RNF144B: variants seen among roughly 807,000 people sequenced by gnomAD.
RNF144B encodes the protein ring finger protein 144B, also known as E3 ubiquitin-protein ligase RNF144B.
In RNF144B, 25 loss-of-function variants were observed where a neutral mutation model predicts 40.2. That is an observed-to-expected ratio of 0.62 (90% CI 0.45 to 0.87). RNF144B has a LOEUF of 0.87. RNF144B is among the 40% of genes least tolerant of loss of function. RNF144B has a pLI of 0.00. For missense variants in RNF144B, 365 were observed against 373.7 expected (o/e 0.98, Z 0.19); for synonymous variants, 145 against 136.3 (o/e 1.06, Z -0.44).
In RNF144B at chr6:18,410,324, A is replaced by G. The variant is rs766982443; in HGVS notation, c.165+10625A>G. Among the ~76,000 whole-genome samples the G allele has an allele frequency of 6.6e-6, 1 of 152,202 alleles. No homozygotes were observed. The highest frequency in any genetic ancestry group is 1.5e-5 in the Non-Finnish European group (1 of 68,042). ...TGGTGTTAATTGTGGAGCAAGTGGC[A>G]GTCATCAGACACAACCAGCCCTGCT... On this transcript the variant is annotated intron_variant, in intron 2 of 7. Transcript: ENST00000259939. The surrounding 1 kb of genome is among the most constrained non-coding windows in gnomAD (Gnocchi z 4.6).
chr6:18,417,492 C>T (rs73727436), intron 2 of RNF144B, among the ~76,000 whole-genome samples: 6 of 152,234 alleles, frequency 3.9e-5, no homozygotes, highest in African/African-American at 1.4e-4. Context: ...AAATGTTTTT[C>T]AGCAAATGGT....
At position 18,427,620 on chromosome 6, in the gene RNF144B, T is replaced by C. The variant is rs201377930; in HGVS notation, c.205T>C (p.Cys69Arg). The C allele has an allele frequency of 1.2e-4, 188 of 1,613,654 alleles. No individual in the cohort carries two copies. The highest frequency in any genetic ancestry group is 1.6e-4 in the Non-Finnish European group (183 of 1,179,816). The change falls in exon 3 of 8, where the codon TGT (cysteine) becomes CGT (arginine). Residue 69 changes from cysteine to arginine, a missense_variant. Coordinates refer to ENST00000259939, the MANE Select transcript of RNF144B (RefSeq NM_182757.4). ...CATGCAGCTGGCAATCCGAGAAGGA[T>C]GTGGGTCTCCCATCACTTGCCCTGA... ...QYMQLAIREGCGSPITCPDMV... is the reference protein window; with the variant it reads ...QYMQLAIREGRGSPITCPDMV...
At position 18,425,652 on chromosome 6, in the gene RNF144B, T is replaced by TGGC. The variant is rs1386268753; in HGVS notation, c.166-1926_166-1924dup. On this transcript the variant is annotated intron_variant, in intron 2 of 7. Transcript: ENST00000259939. The surrounding 1 kb of genome is among the most constrained non-coding windows in gnomAD (Gnocchi z 4.2). The stretch of plus-strand genomic sequence containing the variant: ...TCAGGGTTAAAACACAGTAATTATA[T>TGGC]GGCGGTCAAGTGCAAGAGAGGAGTG... 6.6e-6 allele frequency among the ~76,000 whole-genome samples: 1 copy of TGGC among 152,192 alleles called. No individual in the cohort carries two copies. The highest frequency in any genetic ancestry group is 6.5e-5 in the Admixed American group (1 of 15,270).
chr6:18,428,522 A>C (rs1346261887), intron 3 of RNF144B, among the ~76,000 whole-genome samples: 1 of 151,984 alleles, frequency 6.6e-6, no homozygotes, highest in African/African-American at 2.4e-5. Flanking sequence ...TCGTTTGTTC[A>C]ATCACCGGTT....
Position 18,465,171 on chromosome 6 carries a change from AGTGCCTCCGTGTC to A in RNF144B, c.*105_*117del. On this transcript the variant is annotated 3_prime_UTR_variant, in exon 8 of 8. Transcript: ENST00000259939. ...CCTCCTTCTCCTTGCCAACTTTGAAAGTGCCTCCGTGTCCAGACTTTGAACTTGCCTGCCAGCC... is the reference window on the plus strand; with the variant it reads ...CCTCCTTCTCCTTGCCAACTTTGAAACAGACTTTGAACTTGCCTGCCAGCC... 8.2e-7 allele frequency: 1 copy of A among 1,213,308 alleles called. No individual in the cohort carries two copies. The highest frequency in any genetic ancestry group is 1.5e-5 in the South Asian group (1 of 68,470). The allele number at this position is 1,213,308 out of a possible 1,614,324, so 75.2% of individuals were successfully genotyped here. A position where few individuals can be genotyped will look rare whatever the true frequency, so the allele number is the denominator to read the frequency against.
chr6:18,408,564 G>A (rs1241990192), intron 2 of RNF144B, among the ~76,000 whole-genome samples: 2 of 152,200 alleles, frequency 1.3e-5, no homozygotes, highest in Admixed American at 6.5e-5. Flanking sequence ...TCAGGGCAAT[G>A]TTTCTATCCT....
At position 18,443,808 on chromosome 6, in the gene RNF144B, T is replaced by C. The variant is rs904335492; in HGVS notation, c.331+4064T>C. 1.3e-4 allele frequency among the ~76,000 whole-genome samples: 20 copies of C among 152,166 alleles called. No homozygotes were observed. Among genetic ancestry groups the C allele is most frequent in the Admixed American group, 1.2e-3 (19 of 15,278 alleles). Reference sequence around the variant, plus strand: ...CATCAGCTAGGTGACTTTGAGACTATGTTGTGAATATATATTTGATGTGAA... The same window carrying C: ...CATCAGCTAGGTGACTTTGAGACTACGTTGTGAATATATATTTGATGTGAA... On this transcript the variant is annotated intron_variant, in intron 4 of 7. Transcript: ENST00000259939. The surrounding 1 kb of genome is among the most constrained non-coding windows in gnomAD (Gnocchi z 4.7).
In RNF144B at chr6:18,450,570, A is replaced by AT. The variant is rs1472622291; in HGVS notation, c.332-6583dup. Among the ~76,000 whole-genome samples the AT allele has an allele frequency of 1.8e-4, 28 of 152,264 alleles. No individual in the cohort carries two copies. The highest frequency in any genetic ancestry group is 6.0e-4 in the African/African-American group (25 of 41,566). ...CACCTCGGCCTCCCAAAGTGCTAGG[A>AT]TTACAGTTGTGAGCCACCACACCCA... On this transcript the variant is annotated intron_variant, in intron 4 of 7. Transcript: ENST00000259939. The surrounding 1 kb of genome is among the most constrained non-coding windows in gnomAD (Gnocchi z 4.7).
At chr6:18,463,818 G>A (rs1759519998) in intron 7 of RNF144B, among the ~76,000 whole-genome samples, 3 of 152,158 alleles carry the variant, frequency 2.0e-5, no homozygotes, top group Admixed American at 2.0e-4. Context: ...CACATGGCTG[G>A]GGAGGCCTCA....
rs1794910427 is a variant in RNF144B at position 18,406,478 on chromosome 6, GTGT to G, written c.165+6780_165+6782del. ...GAAAAGTGTGTGTGTGTGTGTGTGT[GTGT>G]GTGTGTGTGTGTGTGTGTGTAGGGG... On this transcript the variant is annotated intron_variant, in intron 2 of 7. Coordinates refer to ENST00000259939, the MANE Select transcript of RNF144B (RefSeq NM_182757.4). The surrounding 1 kb of genome is among the most constrained non-coding windows in gnomAD (Gnocchi z 4.2). Among the ~76,000 whole-genome samples the G allele has an allele frequency of 6.7e-6, 1 of 150,134 alleles. No individual in the cohort carries two copies. The highest frequency in any genetic ancestry group is 2.1e-4 in the East Asian group (1 of 4,822).
rs1794738606 is a variant in RNF144B, at chr6:18,398,762, A to T, written c.-36-737A>T. Among the ~76,000 whole-genome samples, 1 of 152,178 alleles carries T rather than the reference A, an allele frequency of 6.6e-6. No homozygotes were observed. The highest frequency in any genetic ancestry group is 6.5e-5 in the Admixed American group (1 of 15,276). On this transcript the variant is annotated intron_variant, in intron 1 of 7. Coordinates refer to ENST00000259939, the MANE Select transcript of RNF144B (RefSeq NM_182757.4). This position sits in a 1 kb window ranked among gnomAD's most constrained non-coding sequence, Gnocchi z 5.0. The stretch of plus-strand genomic sequence containing the variant: ...GCTATTGTGAATAATGTTGCTATGA[A>T]TATGGGTGTACAAATATCTCTTTGA...
At chr6:18,435,478 G>C (rs1357476556) in intron 3 of RNF144B, among the ~76,000 whole-genome samples, 1 of 151,576 alleles carries the variant, frequency 6.6e-6, no homozygotes, top group Non-Finnish European at 1.5e-5. Context: ...ATGAATGATA[G>C]AAATAGAAAA....
At position 18,465,229 on chromosome 6, in the gene RNF144B, A is replaced by G; in HGVS notation, c.*162A>G. 2 of 669,060 alleles carry G rather than the reference A, an allele frequency of 3.0e-6. No homozygotes were observed. Among genetic ancestry groups the G allele is most frequent in the South Asian group, 3.8e-5 (2 of 52,106 alleles). The allele number at this position is 669,060 out of a possible 1,614,324, so 41.4% of individuals were successfully genotyped here. A position where few individuals can be genotyped will look rare whatever the true frequency, so the allele number is the denominator to read the frequency against. On this transcript the variant is annotated 3_prime_UTR_variant, in exon 8 of 8. Transcript: ENST00000259939. ...CCAGCCTTCAGCATCAGGAAAGGCC[A>G]AGTCCTGGGTGTGAGTGTTCCTGTG...
chr6:18,410,671 T>G lies in RNF144B; in HGVS notation c.165+10972T>G, dbSNP rs1053001905. ...GCCAGAGAGGCAAGCAGAGACTAGA[T>G]GGAGGGCCTGGTATGCTGTGTTAAA... On this transcript the variant is annotated intron_variant, in intron 2 of 7. Coordinates refer to ENST00000259939, the MANE Select transcript of RNF144B (RefSeq NM_182757.4). The surrounding 1 kb of genome is among the most constrained non-coding windows in gnomAD (Gnocchi z 4.6). Among the ~76,000 whole-genome samples the G allele has an allele frequency of 6.6e-6, 1 of 151,522 alleles. No homozygotes were observed. Among genetic ancestry groups the G allele is most frequent in the African/African-American group, 2.4e-5 (1 of 41,328 alleles).
Position 18,456,561 on chromosome 6 carries a change from T to C in RNF144B, c.332-594T>C, listed in dbSNP as rs1300000905. ...TTACGTGCTCAAAGGTGGGAAATAT[T>C]CTAAAAGTCTTGTGAATTTTGTTTA... On this transcript the variant is annotated intron_variant, in intron 4 of 7. Coordinates refer to ENST00000259939, the MANE Select transcript of RNF144B (RefSeq NM_182757.4). This position sits in a 1 kb window ranked among gnomAD's most constrained non-coding sequence, Gnocchi z 4.7. Among the ~76,000 whole-genome samples the C allele has an allele frequency of 1.3e-5, 2 of 152,354 alleles. No homozygotes were observed. The highest frequency in any genetic ancestry group is 2.9e-5 in the Non-Finnish European group (2 of 68,032).
chr6:18,407,100 G>C (rs962534170), intron 2 of RNF144B, among the ~76,000 whole-genome samples: 4 of 152,232 alleles, frequency 2.6e-5, no homozygotes, highest in African/African-American at 9.6e-5. Flanking sequence ...AATTCAAGAT[G>C]AGATTTGGGT....
rs1758777407 is a variant in RNF144B, at chr6:18,434,671, G to C, written c.271-5013G>C. Among the ~76,000 whole-genome samples the C allele has an allele frequency of 1.3e-5, 2 of 152,146 alleles. No individual in the cohort carries two copies. The highest frequency in any genetic ancestry group is 2.9e-5 in the Non-Finnish European group (2 of 68,036). On this transcript the variant is annotated intron_variant, in intron 3 of 7. Coordinates refer to ENST00000259939, the MANE Select transcript of RNF144B (RefSeq NM_182757.4). This position sits in a 1 kb window ranked among gnomAD's most constrained non-coding sequence, Gnocchi z 4.1. Reference sequence around the variant, plus strand: ...GAGTCTTGCTCTGTCGCCCAGGCTGGAATGCAGTGGTGCGATCTCGGCTCA... The same window carrying C: ...GAGTCTTGCTCTGTCGCCCAGGCTGCAATGCAGTGGTGCGATCTCGGCTCA...
At chr6:18,424,199 G>T (rs6927583) in intron 2 of RNF144B, among the ~76,000 whole-genome samples, 11,923 of 152,142 alleles carry the variant, frequency 0.078, 589 homozygotes, top group Non-Finnish European at 0.12. Flanking sequence ...GCACTTTTTA[G>T]CCAGAGATAC....
At position 18,434,363 on chromosome 6, in the gene RNF144B, TGA is replaced by T. The variant is rs1273936102; in HGVS notation, c.271-5317_271-5316del. Among the ~76,000 whole-genome samples the T allele has an allele frequency of 1.3e-5, 2 of 149,710 alleles. No individual in the cohort carries two copies. Among genetic ancestry groups the T allele is most frequent in the African/African-American group, 4.8e-5 (2 of 41,406 alleles). On this transcript the variant is annotated intron_variant, in intron 3 of 7. Coordinates refer to ENST00000259939, the MANE Select transcript of RNF144B (RefSeq NM_182757.4). The surrounding 1 kb of genome is among the most constrained non-coding windows in gnomAD (Gnocchi z 4.1). ...CTCCCTTTTTTGCTTTGTTTTTTTCTGAGAGGGGGTAAGGTCAGTGTTAGTGT... is the reference window on the plus strand; with the variant it reads ...CTCCCTTTTTTGCTTTGTTTTTTTCTGAGGGGGTAAGGTCAGTGTTAGTGT...
Sources: allele counts gnomAD v4.1 joint callset (sites outside exome capture counted in the v4.1 genomes callset), GRCh38; gene constraint gnomAD v4.1.1; non-coding constraint Gnocchi (gnomAD v3.1); transcripts MANE v1.5; gene names NCBI Gene and HGNC (gene_info 2026-07-23, HGNC 2026-07-21).